KIF2A: variants seen among roughly 807,000 people sequenced by gnomAD.
The protein encoded by KIF2A is kinesin-like protein KIF2A.
In KIF2A, 22 loss-of-function variants were observed where a neutral mutation model predicts 100.2. The ratio of observed to expected loss-of-function variants is 0.22; its 90% CI spans 0.16 to 0.31. The LOEUF is 0.31. KIF2A is among the 10% of genes least tolerant of loss of function. The probability of loss-of-function intolerance (pLI) is 1.00; values close to 1 mark genes in which losing one functional copy is unlikely to be tolerated. For synonymous variants in KIF2A, 268 were observed against 285.9 expected (o/e 0.94, Z 0.63); for missense variants, 495 against 898.7 (o/e 0.55, Z 5.74).
In KIF2A at chr5:62,352,604, T is replaced by A; in HGVS notation, c.351T>A (p.Arg117=). Residue 117 remains arginine (R), a synonymous_variant, in exon 5 of 21, where the codon CGT becomes CGA. Coordinates refer to ENST00000407818, the MANE Select transcript of KIF2A (RefSeq NM_001098511.3). ...SRDNRVVGSA[R]ARPSQFPEQS... ...TACTTACAGTGGTTGGTTCAGCACG[T>A]GCACGGCCCAGTCAATTTCCTGAAC... is the stretch of plus-strand genomic sequence containing the variant. 1 of 1,584,954 alleles carries A rather than the reference T, an allele frequency of 6.3e-7. No individual in the cohort carries two copies. The highest frequency in any genetic ancestry group is 8.6e-7 in the Non-Finnish European group (1 of 1,164,414).
intron 1 of KIF2A, among the ~76,000 whole-genome samples, chr5:62,344,100 C>CT (rs1276075021): frequency 6.6e-6 from 1 of 152,142 alleles, no homozygotes; most frequent in African/African-American, 2.4e-5. Context: ...AATCCCAGCA[C>CT]TTTGGGAGGC....
chr5:62,317,492 T>G (rs1745875102), intron 1 of KIF2A, among the ~76,000 whole-genome samples: 1 of 152,254 alleles, frequency 6.6e-6, no homozygotes, highest in African/African-American at 2.4e-5. Context: ...GAAGTTGACT[T>G]GTCCAAGGTC....
Position 62,363,304 on chromosome 5 carries a change from A to T in KIF2A, c.1246A>T (p.Ile416Leu). 6.2e-7 allele frequency: 1 copy of T among 1,612,398 alleles called. No homozygotes were observed. The change falls in exon 13 of 21, where the codon ATA becomes TTA. Residue 416 changes from isoleucine to leucine, a missense_variant. By Grantham distance (5) the Ile-to-Leu change is conservative (BLOSUM62 2). Coordinates refer to ENST00000407818, the MANE Select transcript of KIF2A (RefSeq NM_001098511.3). Reference sequence around the variant, plus strand: ...TGAAGATGTACTGAAACTCATTGACATAGGCAACAGTTGCAGGTAAATCTC... The same window carrying T: ...TGAAGATGTACTGAAACTCATTGACTTAGGCAACAGTTGCAGGTAAATCTC... ...CVEDVLKLID[I>L]GNSCRTSGQT...
In KIF2A at chr5:62,390,121, T is replaced by C. The variant is rs761326416; in HGVS notation, c.*4552T>C. Among the ~76,000 whole-genome samples the C allele has an allele frequency of 3.9e-5, 6 of 152,184 alleles. No homozygotes were observed. The highest frequency in any genetic ancestry group is 2.1e-4 in the South Asian group (1 of 4,832). ...CAATGACTTTTAGAACAATCTACTCTCATTTTTTATTCAGCCTCTAGAACA... is the reference window on the plus strand; with the variant it reads ...CAATGACTTTTAGAACAATCTACTCCCATTTTTTATTCAGCCTCTAGAACA... On this transcript the variant is annotated 3_prime_UTR_variant, in exon 21 of 21. Transcript: ENST00000407818.
rs1034099079 is a variant in KIF2A at position 62,369,371 on chromosome 5, A to G, written c.1646+2890A>G. ...AAGGCACCTTCACCAGGCAGCAGGA[A>G]GGAGAAGTGCCAAGCAAACTGGGGA... On this transcript the variant is annotated intron_variant, in intron 16 of 20. Transcript: ENST00000407818. Among the ~76,000 whole-genome samples the G allele has an allele frequency of 2.0e-5, 3 of 152,194 alleles. No individual in the cohort carries two copies. The East Asian group carries it at 5.8e-4, about 29-fold the overall frequency.
rs1053294941 is a variant in KIF2A, at chr5:62,386,489, T to G, written c.*920T>G. On this transcript the variant is annotated 3_prime_UTR_variant, in exon 21 of 21. Transcript: ENST00000407818. ...GATCCTTACCAATATCATTACTTAA[T>G]TTGAAGTGTTCATTAGCACCCCAAA... is the stretch of plus-strand genomic sequence containing the variant. 2 of 152,238 alleles carry G rather than the reference T, an allele frequency of 1.3e-5. No homozygotes were observed. The highest frequency in any genetic ancestry group is 4.8e-5 in the African/African-American group (2 of 41,454). The allele number at this position is 152,238 out of a possible 1,614,324, so 9.4% of individuals were successfully genotyped here.
At chr5:62,324,949 A>G (rs972203006) in intron 1 of KIF2A, among the ~76,000 whole-genome samples, 9 of 152,230 alleles carry the variant, frequency 5.9e-5, no homozygotes, top group African/African-American at 2.2e-4. Context: ...CAAACTATGC[A>G]TATGACAAAG....
chr5:62,375,695 T>A (rs1481425092), intron 18 of KIF2A, among the ~76,000 whole-genome samples: 1 of 152,232 alleles, frequency 6.6e-6, no homozygotes, highest in African/African-American at 2.4e-5. Flanking sequence ...TCACTGTTAC[T>A]AAAGCAGGGC....
Position 62,389,076 on chromosome 5 carries a change from A to G in KIF2A, c.*3507A>G, listed in dbSNP as rs376464009. 7.0e-5 allele frequency: 113 copies of G among 1,605,996 alleles called. 3 individuals are homozygous for G. The African/African-American group carries it at 1.3e-3, about 18-fold the overall frequency. ...ATCTGAAAAAAGAAATCAAAATGGA[A>G]TGGTACTGAAAAGCTAATTTGTAGC... On this transcript the variant is annotated 3_prime_UTR_variant, in exon 21 of 21. Coordinates refer to ENST00000407818, the MANE Select transcript of KIF2A (RefSeq NM_001098511.3).
intron 19 of KIF2A, among the ~76,000 whole-genome samples, chr5:62,378,784 A>G (rs919342879): frequency 2.0e-5 from 3 of 151,868 alleles, no homozygotes; most frequent in Non-Finnish European, 2.9e-5. Flanking sequence ...TGGGTGAGGT[A>G]TAGCATGCCT....
At chr5:62,375,427 T>C in intron 18 of KIF2A, among the ~76,000 whole-genome samples, 1 of 152,320 alleles carries the variant, frequency 6.6e-6, no homozygotes, top group Non-Finnish European at 1.5e-5. Flanking sequence ...GTACTATAAT[T>C]ATCCCTACTT....
intron 1 of KIF2A, among the ~76,000 whole-genome samples, chr5:62,314,031 A>G (rs572589422): frequency 9.1e-4 from 139 of 152,110 alleles, no homozygotes; most frequent in African/African-American, 3.1e-3. Flanking sequence ...GCCTCAAGCA[A>G]TTCTCCCTCT....
chr5:62,312,275 C>T (rs1305086067), intron 1 of KIF2A, among the ~76,000 whole-genome samples: 1 of 152,164 alleles, frequency 6.6e-6, no homozygotes, highest in Non-Finnish European at 1.5e-5. Flanking sequence ...TTTTATGTGT[C>T]ATGATTGTTA....
intron 11 of KIF2A, 166 bp from the exon 12 acceptor site, chr5:62,362,284 C>T (rs2111956751): frequency 3.3e-6 from 1 of 300,146 alleles, no homozygotes; most frequent in South Asian, 1.2e-4. Context: ...AGAATAGCTT[C>T]TATTAATACT....
intron 18 of KIF2A, among the ~76,000 whole-genome samples, chr5:62,376,853 T>G (rs1248106298): frequency 6.6e-6 from 1 of 152,164 alleles, no homozygotes; most frequent in African/African-American, 2.4e-5. Context: ...TGTCCCTCAG[T>G]TATACATGGA....
In KIF2A at chr5:62,340,048, G is replaced by C. The variant is rs1747212674; in HGVS notation, c.65-7082G>C. Among the ~76,000 whole-genome samples the C allele has an allele frequency of 6.0e-5, 9 of 149,856 alleles. No homozygotes were observed. In the Admixed American group the frequency reaches 6.1e-4, roughly 10 times the overall value. On this transcript the variant is annotated intron_variant, in intron 1 of 20. Transcript: ENST00000407818. ...CTGCCTCCCGGGTTCAAGCAATTCT[G>C]CATCAGCCTCCTGAGTAGCTGGGAT...
At chr5:62,344,601 A>G (rs1747463275) in intron 1 of KIF2A, among the ~76,000 whole-genome samples, 1 of 152,104 alleles carries the variant, frequency 6.6e-6, no homozygotes, top group Admixed American at 6.6e-5. Context: ...CAAAATTTCA[A>G]TTTTCTTGAC....
In KIF2A at chr5:62,306,219, C is replaced by T. The variant is rs1745252005; in HGVS notation, c.-254C>T. The T allele has an allele frequency of 8.8e-6, 4 of 456,128 alleles. No homozygotes were observed. The South Asian group carries it at 9.8e-5, about 11-fold the overall frequency. 28.3% of individuals were successfully genotyped at this position (456,128 alleles called of 1,614,324 possible). A position where few individuals can be genotyped will look rare whatever the true frequency, so the allele number is the denominator to read the frequency against. ...GCGGGCCCTCCCACTCTACCCCGCG[C>T]CGTCTCACGGCCCCGGCCCTAGCTT... On this transcript the variant is annotated 5_prime_UTR_variant, in exon 1 of 21. Transcript: ENST00000407818.
chr5:62,335,193 G>A (rs1746876816), intron 1 of KIF2A, among the ~76,000 whole-genome samples: 1 of 152,214 alleles, frequency 6.6e-6, no homozygotes, highest in Non-Finnish European at 1.5e-5. Context: ...CAGCAACCCT[G>A]GCTGGAGTGC....
Sources: allele counts gnomAD v4.1 joint callset (sites outside exome capture counted in the v4.1 genomes callset), GRCh38; gene constraint gnomAD v4.1.1; transcripts MANE v1.5; gene names NCBI Gene and HGNC (gene_info 2026-07-23, HGNC 2026-07-21).